Variants in PRDM16 observed in about 807,000 individuals in gnomAD.
The protein encoded by PRDM16 is PR/SET domain 16.
In PRDM16, 23 loss-of-function variants were observed where a neutral mutation model predicts 110.6. That is an observed-to-expected ratio of 0.21 (90% CI 0.15 to 0.29). PRDM16 has a LOEUF of 0.29. Among genes scored for constraint, PRDM16 ranks in the 10% least tolerant of loss-of-function variants. The pLI is 1.00. For synonymous variants in PRDM16, 799 were observed against 781.8 expected (o/e 1.02, Z -0.37); for missense variants, 1,615 against 1,794.3 (o/e 0.90, Z 1.81).
chr1:3,402,815 A>T lies in PRDM16; in HGVS notation c.701A>T (p.Glu234Val). Residue 234 changes from glutamate (E) to valine (V), a missense_variant, in exon 6 of 17, where the codon GAG (glutamate) becomes GTG (valine). By Grantham distance (121) the Glu-to-Val change is moderately radical. This residue lies in a region of PRDM16 where 416 missense variants were observed against 467.1 expected (regional missense o/e 0.89). Transcript: ENST00000270722. ...LDEEPTFRCD[E>V]CDELFQSKLD... is the part of the protein sequence containing the mutation. The stretch of plus-strand genomic sequence containing the variant: ...GAGGAGCCCACGTTCCGCTGTGACG[A>T]GTGTGACGAACTCTTCCAGTCCAAG... 1 of 1,612,480 alleles carries T rather than the reference A, an allele frequency of 6.2e-7. No homozygotes were observed. Among genetic ancestry groups the T allele is most frequent in the African/African-American group, 1.3e-5 (1 of 75,000 alleles).
Position 3,411,394 on chromosome 1 carries a change from C to T in PRDM16, c.1197C>T (p.Cys399=). The change falls in exon 9 of 17, where the codon TGC becomes TGT. Residue 399 remains cysteine, a synonymous_variant. Transcript: ENST00000270722. Reference sequence around the variant, plus strand: ...CTGCTGATGTTTTAGGTGAGGTCTGCCACAAGTCCTACACGCAGTTCTCCA... The same window carrying T: ...CTGCTGATGTTTTAGGTGAGGTCTGTCACAAGTCCTACACGCAGTTCTCCA... ...STVKPFICEV[C]HKSYTQFSNL... is the part of the protein sequence containing the mutation. 6.2e-7 allele frequency: 1 copy of T among 1,604,410 alleles called. No individual in the cohort carries two copies.
rs1249970992 is a variant in PRDM16, at chr1:3,143,372, A to C, written c.38-42753A>C. ...GCTCCAAGCACCAGCCCCTCGCCCC[A>C]GTCCCAGCAGGTGGCCTCCCCAACT... is the stretch of plus-strand genomic sequence containing the variant. On this transcript the variant is annotated intron_variant, in intron 1 of 16. Transcript: ENST00000270722. The surrounding 1 kb of genome is among the most constrained non-coding windows in gnomAD (Gnocchi z 4.5). 1.3e-5 allele frequency among the ~76,000 whole-genome samples: 2 copies of C among 152,192 alleles called. No homozygotes were observed. Among genetic ancestry groups the C allele is most frequent in the Non-Finnish European group, 2.9e-5 (2 of 68,006 alleles).
At chr1:3,396,198 TG>T in intron 4 of PRDM16, 1 of 485,802 alleles carries the variant, frequency 2.1e-6, no homozygotes, top group Admixed American at 2.4e-5. Context: ...AGCGGGGCTC[TG>T]CTGTGCCCCC....
rs1214877908 is a variant in PRDM16, at chr1:3,209,634, C to T, written c.387+23160C>T. 3.3e-5 allele frequency among the ~76,000 whole-genome samples: 5 copies of T among 152,184 alleles called. No homozygotes were observed. Among genetic ancestry groups the T allele is most frequent in the Admixed American group, 2.0e-4 (3 of 15,272 alleles). On this transcript the variant is annotated intron_variant, in intron 2 of 16. Coordinates refer to ENST00000270722, the MANE Select transcript of PRDM16 (RefSeq NM_022114.4). The surrounding 1 kb of genome is among the most constrained non-coding windows in gnomAD (Gnocchi z 4.6). Reference sequence around the variant, plus strand: ...GGAACCTCACTTCGGGATCCTTTGTCGAGACCAATTGGCCACAAATGCCAC... The same window carrying T: ...GGAACCTCACTTCGGGATCCTTTGTTGAGACCAATTGGCCACAAATGCCAC...
At chr1:3,103,168 G>T (rs1393885779) in intron 1 of PRDM16, among the ~76,000 whole-genome samples, 4 of 152,300 alleles carry the variant, frequency 2.6e-5, no homozygotes, top group East Asian at 3.9e-4. Flanking sequence ...AGCTGGGGCG[G>T]CTGTAACCAA....
intron 6 of PRDM16, 151 bp from the exon 7 acceptor site, chr1:3,404,588 G>A: frequency 1.1e-6 from 1 of 928,640 alleles, no homozygotes; most frequent in Non-Finnish European, 1.6e-6. Flanking sequence ...CAGAGAGGAG[G>A]TGGGCAGGGA....
intron 1 of PRDM16, among the ~76,000 whole-genome samples, chr1:3,121,276 C>G (rs574153113): frequency 6.6e-6 from 1 of 152,216 alleles, no homozygotes. Context: ...GCGGTGCCTC[C>G]GGTCCTAGCA....
At chr1:3,394,502 G>A in intron 4 of PRDM16, 2 of 436,698 alleles carry the variant, frequency 4.6e-6, no homozygotes, top group African/African-American at 2.1e-5. Flanking sequence ...GTGGTGGGTG[G>A]GGTGGGTGGT....
chr1:3,274,499 G>A (rs149940810), intron 3 of PRDM16, among the ~76,000 whole-genome samples: 16 of 152,300 alleles, frequency 1.1e-4, no homozygotes, highest in Non-Finnish European at 1.6e-4. Context: ...AGGAAGGTCC[G>A]TTCTGAAAGG....
At chr1:3,415,117 G>T (rs1420195988) in intron 10 of PRDM16, among the ~76,000 whole-genome samples, 1 of 152,192 alleles carries the variant, frequency 6.6e-6, no homozygotes, top group Non-Finnish European at 1.5e-5. Context: ...CCAGGGAGGT[G>T]GTGGGCAGGG....
At chr1:3,160,674 G>A (rs1569721789) in intron 1 of PRDM16, among the ~76,000 whole-genome samples, 1 of 152,190 alleles carries the variant, frequency 6.6e-6, no homozygotes, top group East Asian at 1.9e-4. Flanking sequence ...ACCCCGTCTG[G>A]GGCTGACATC....
At chr1:3,155,193 G>A (rs1437142667) in intron 1 of PRDM16, among the ~76,000 whole-genome samples, 1 of 152,244 alleles carries the variant, frequency 6.6e-6, no homozygotes, top group Non-Finnish European at 1.5e-5. Flanking sequence ...GGCCCCGGGA[G>A]AGGCATCTCT....
At chr1:3,241,004 C>T (rs555441952) in intron 2 of PRDM16, among the ~76,000 whole-genome samples, 1 of 152,340 alleles carries the variant, frequency 6.6e-6, no homozygotes, top group South Asian at 2.1e-4. Context: ...GAGCCAGCGG[C>T]GCGTGTGCTG....
chr1:3,124,657 C>G (rs9887973), intron 1 of PRDM16, among the ~76,000 whole-genome samples: 7,465 of 152,286 alleles, frequency 0.049, 588 homozygotes, highest in African/African-American at 0.17. Context: ...GGCCTTGGAG[C>G]GGAAGGAAGA....
At position 3,311,397 on chromosome 1, in the gene PRDM16, G is replaced by A. The variant is rs143837805; in HGVS notation, c.438+67260G>A. Among the ~76,000 whole-genome samples, 11 of 152,256 alleles carry A rather than the reference G, an allele frequency of 7.2e-5. No homozygotes were observed. In the East Asian group the frequency reaches 1.7e-3, roughly 24 times the overall value. ...TCCCAAAGTGCCTGGAAACCTGCCC[G>A]TGCATTGGTGCCCGCTCTGTCCTGT... On this transcript the variant is annotated intron_variant, in intron 3 of 16. Coordinates refer to ENST00000270722, the MANE Select transcript of PRDM16 (RefSeq NM_022114.4).
chr1:3,235,941 T>G (rs1639530434), intron 2 of PRDM16, among the ~76,000 whole-genome samples: 1 of 151,904 alleles, frequency 6.6e-6, no homozygotes, highest in African/African-American at 2.4e-5. Context: ...CGTCTTTGGC[T>G]TGGTGGAGAA....
intron 3 of PRDM16, among the ~76,000 whole-genome samples, chr1:3,381,135 C>T (rs1215355916): frequency 1.3e-5 from 2 of 152,218 alleles, no homozygotes; most frequent in Non-Finnish European, 2.9e-5. Flanking sequence ...CGCCGCGTTC[C>T]CCCAGGACAA....
At chr1:3,378,465 C>T (rs1375324750) in intron 3 of PRDM16, among the ~76,000 whole-genome samples, 8 of 152,136 alleles carry the variant, frequency 5.3e-5, no homozygotes, top group African/African-American at 1.9e-4. Flanking sequence ...GTCCTTGAGT[C>T]GGCCCTGGAG....
intron 2 of PRDM16, among the ~76,000 whole-genome samples, chr1:3,187,629 C>T (rs1644285828): frequency 1.3e-5 from 2 of 152,174 alleles, no homozygotes; most frequent in South Asian, 2.1e-4. Context: ...AGAACACCGA[C>T]GGCCTGGGGA....
Sources: gnomAD v4.1 joint callset for allele counts (sites outside exome capture counted in the v4.1 genomes callset) on GRCh38, gnomAD v4.1.1 for gene constraint, gnomAD v4.1.1 regional missense constraint, Gnocchi (gnomAD v3.1) non-coding constraint, MANE v1.5 for transcripts, NCBI Gene and HGNC (gene_info 2026-07-23, HGNC 2026-07-21) for gene names.